Variants in MYH9 observed in about 807,000 individuals in gnomAD.
MYH9 encodes myosin-9.
MYH9 carries 29 observed loss-of-function variants against 241.9 expected under a neutral mutation model. The ratio of observed to expected loss-of-function variants is 0.12; its 90% confidence interval spans 0.09 to 0.16. The LOEUF (loss-of-function observed/expected upper bound fraction) is 0.16, where lower values mean the gene tolerates loss of function less well. Ranked by LOEUF, MYH9 falls within the 10% of genes least tolerant of loss-of-function variation. The pLI is 1.00. For missense variants in MYH9, 1,803 were observed against 2,595.5 expected, an observed-to-expected ratio of 0.69 and a Z score of 6.63; for synonymous variants, 1,047 against 1,062.6, an observed-to-expected ratio of 0.99 and a Z score of 0.29.
At chr22:36,304,466 A>G (rs924682645) in intron 18 of MYH9, among the ~76,000 whole-genome samples, 1 of 152,238 alleles carries the variant, frequency 6.6e-6, no homozygotes, top group Non-Finnish European at 1.5e-5. Context: ...CAAAGGTAGC[A>G]GCTGCTAACC....
intron 31 of MYH9, 94 bp downstream of exon 31, chr22:36,291,890 CCT>C (rs1263735836): frequency 3.1e-6 from 5 of 1,592,868 alleles, no homozygotes; most frequent in African/African-American, 2.7e-5. Flanking sequence ...CCGGCGAGAC[CCT>C]GAGGGAGCCC....
At chr22:36,316,766 CT>C in intron 11 of MYH9, 97 bp from the exon 12 acceptor site, 2 of 1,397,194 alleles carry the variant, frequency 1.4e-6, no homozygotes, top group Non-Finnish European at 2.0e-6. Flanking sequence ...AGTCCTCCCC[CT>C]AGAGGAACAG....
At position 36,314,323 on chromosome 22, in the gene MYH9, A is replaced by G. The variant is rs2017115501; in HGVS notation, c.1381-5T>C. The G allele has an allele frequency of 6.2e-7, 1 of 1,613,970 alleles. No homozygotes were observed. The highest frequency in any genetic ancestry group is 8.5e-7 in the Non-Finnish European group (1 of 1,180,036). On this transcript the variant is annotated splice_polypyrimidine_tract_variant and splice_region_variant and intron_variant, in intron 12 of 40. Transcript: ENST00000216181. The stretch of plus-strand genomic sequence containing the variant: ...CAGCTGCTCAAACGAGTTCAGCTGC[A>G]AGGAGAGAAAACAATGTCAGAGAGA...
intron 1 of MYH9, among the ~76,000 whole-genome samples, chr22:36,372,584 G>C (rs940634714): frequency 2.6e-5 from 4 of 152,098 alleles, no homozygotes; most frequent in African/African-American, 9.7e-5. Flanking sequence ...TTAATCATGG[G>C]AGGTATTAAG....
chr22:36,370,878 G>A (rs1000194047), intron 1 of MYH9, among the ~76,000 whole-genome samples: 15 of 152,214 alleles, frequency 9.9e-5, no homozygotes. Context: ...AAGAAGGGCA[G>A]GAGGGGCATT....
chr22:36,321,808 C>T lies in MYH9; in HGVS notation c.719G>A (p.Arg240His), dbSNP rs755933569. The change falls in exon 7 of 41, where the codon CGC (arginine) becomes CAC (histidine). Residue 240 changes from arginine (R) to histidine (H), a missense_variant. Coordinates refer to ENST00000216181, the MANE Select transcript of MYH9 (RefSeq NM_002473.6). ...GTAGCCATTGACATCAAAGTTGATGCGAATGAATTTGCCCTAAGTAAGAAA... is the reference window on the plus strand; with the variant it reads ...GTAGCCATTGACATCAAAGTTGATGTGAATGAATTTGCCCTAAGTAAGAAA... ...DNSSRFGKFI[R>H]INFDVNGYIV... The T allele has an allele frequency of 3.1e-6, 5 of 1,614,044 alleles. No individual in the cohort carries two copies. Among genetic ancestry groups the T allele is most frequent in the Non-Finnish European group, 4.2e-6 (5 of 1,179,928 alleles).
In MYH9 at chr22:36,330,175, G is replaced by A. The variant is rs1441124991; in HGVS notation, c.491-2687C>T. 1.3e-5 allele frequency among the ~76,000 whole-genome samples: 2 copies of A among 152,192 alleles called. No homozygotes were observed. The highest frequency in any genetic ancestry group is 2.9e-5 in the Non-Finnish European group (2 of 68,030). ...CTCCAGCCTTCCCCGTCCAATTCCTGAAGCCAATTTACCACTGTCAACACA... is the reference window on the plus strand; with the variant it reads ...CTCCAGCCTTCCCCGTCCAATTCCTAAAGCCAATTTACCACTGTCAACACA... On this transcript the variant is annotated intron_variant, in intron 3 of 40. Transcript: ENST00000216181. The surrounding 1 kb of genome is among the most constrained non-coding windows in gnomAD (Gnocchi z 4.5).
At chr22:36,366,509 G>A (rs183255873) in intron 1 of MYH9, among the ~76,000 whole-genome samples, 1 of 152,260 alleles carries the variant, frequency 6.6e-6, no homozygotes, top group East Asian at 1.9e-4. Flanking sequence ...GCAAAGTGAA[G>A]GGTCACGCGG....
intron 24 of MYH9, among the ~76,000 whole-genome samples, chr22:36,298,418 G>A (rs1046819836): frequency 2.6e-5 from 4 of 152,162 alleles, no homozygotes; most frequent in South Asian, 2.1e-4. Context: ...CGCAGTATTC[G>A]TCTAGGACTT....
In MYH9 at chr22:36,321,467, G is replaced by A. The variant is rs117821137; in HGVS notation, c.769+291C>T. 2.6e-5 allele frequency among the ~76,000 whole-genome samples: 4 copies of A among 152,308 alleles called. No homozygotes were observed. In the East Asian group the frequency reaches 5.8e-4, roughly 22 times the overall value. On this transcript the variant is annotated intron_variant, in intron 7 of 40. Coordinates refer to ENST00000216181, the MANE Select transcript of MYH9 (RefSeq NM_002473.6). ...ACAAGCAAAGGCTAAACGGTGGCAC[G>A]CAGGAGAGTGGCATCCCCCAAACGC...
In MYH9 at chr22:36,292,228, C is replaced by A. The variant is rs776174061; in HGVS notation, c.4102G>T (p.Asp1368Tyr). ...QIATLHAQVA[D>Y]MKKKMEDSVG... The stretch of plus-strand genomic sequence containing the variant: ...CTGTCCTCCATCTTCTTTTTCATGT[C>A]GGCCACCTGGGCAGGAGCAAGGAGT... Residue 1368 changes from aspartate (D) to tyrosine (Y), a missense_variant, in exon 31 of 41, where the codon GAC becomes TAC. This residue lies in a region of MYH9 where 876 missense variants were observed against 1,077.8 expected (regional missense o/e 0.81). Coordinates refer to ENST00000216181, the MANE Select transcript of MYH9 (RefSeq NM_002473.6). The A allele has an allele frequency of 6.2e-7, 1 of 1,613,884 alleles. No individual in the cohort carries two copies. The highest frequency in any genetic ancestry group is 1.1e-5 in the South Asian group (1 of 91,074).
At chr22:36,361,645 G>A (rs1026770775) in intron 1 of MYH9, among the ~76,000 whole-genome samples, 2 of 152,200 alleles carry the variant, frequency 1.3e-5, no homozygotes, top group African/African-American at 2.4e-5. Flanking sequence ...AGGGGTGGGG[G>A]CAATAGCTTG....
At chr22:36,319,750 C>G (rs2017220045) in intron 9 of MYH9, 115 bp from the exon 10 acceptor site, 1 of 1,053,512 alleles carries the variant, frequency 9.5e-7, no homozygotes, top group Non-Finnish European at 1.4e-6. Context: ...GGGACACCCC[C>G]CAACTCCCTG....
At position 36,293,262 on chromosome 22, in the gene MYH9, C is replaced by T; in HGVS notation, c.4095+67G>A. The T allele has an allele frequency of 6.2e-7, 1 of 1,602,930 alleles. No individual in the cohort carries two copies. Among genetic ancestry groups the T allele is most frequent in the East Asian group, 2.2e-5 (1 of 44,816 alleles). On this transcript the variant is annotated intron_variant, in intron 30 of 40. Transcript: ENST00000216181. The surrounding 1 kb of genome is among the most constrained non-coding windows in gnomAD (Gnocchi z 5.1). ...AGCGGGCAGGGCTGTCCTGCAGTGC[C>T]CAGGCCAGTGCCCGGCCAGCAGCTC...
Position 36,293,654 on chromosome 22 carries a change from T to G in MYH9, c.3942+105A>C. The G allele has an allele frequency of 7.5e-7, 1 of 1,333,802 alleles. No individual in the cohort carries two copies. Among genetic ancestry groups the G allele is most frequent in the Non-Finnish European group, 1.1e-6 (1 of 943,554 alleles). 82.6% of individuals were successfully genotyped at this position (1,333,802 alleles called of 1,614,324 possible). A position where few individuals can be genotyped will look rare whatever the true frequency, so the allele number is the denominator to read the frequency against. On this transcript the variant is annotated intron_variant, in intron 29 of 40. Transcript: ENST00000216181. The surrounding 1 kb of genome is among the most constrained non-coding windows in gnomAD (Gnocchi z 5.1). The stretch of plus-strand genomic sequence containing the variant: ...AGACCCACCCACAGGATGAAGCAGA[T>G]GAAGGAGAGGATGGGCAATCCGATG...
chr22:36,311,874 T>C (rs911238189), intron 14 of MYH9, among the ~76,000 whole-genome samples, 175 bp downstream of exon 14: 1 of 152,084 alleles, frequency 6.6e-6, no homozygotes, highest in African/African-American at 2.4e-5. Flanking sequence ...CTCTGTAAGC[T>C]GTGTAAATGA....
intron 2 of MYH9, among the ~76,000 whole-genome samples, chr22:36,342,214 AAT>A (rs2017601509): frequency 6.6e-6 from 1 of 152,206 alleles, no homozygotes; most frequent in Non-Finnish European, 1.5e-5. Flanking sequence ...AGGTACCTAA[AAT>A]ATACCCAATA....
intron 2 of MYH9, among the ~76,000 whole-genome samples, chr22:36,348,516 AAAAAAAATT>A (rs2017714476): frequency 6.6e-6 from 1 of 150,940 alleles, no homozygotes; most frequent in African/African-American, 2.5e-5. Flanking sequence ...CTCAAAAAAA[AAAAAAAATT>A]AAATTAAATT....
intron 13 of MYH9, 88 bp downstream of exon 13, chr22:36,314,057 A>C: frequency 6.7e-7 from 1 of 1,503,526 alleles, no homozygotes; most frequent in South Asian, 1.1e-5. Context: ...ACACCTCCAC[A>C]ACCAACACAG....
Sources: gnomAD v4.1 joint callset for allele counts (sites outside exome capture counted in the v4.1 genomes callset) on GRCh38, gnomAD v4.1.1 for gene constraint, gnomAD v4.1.1 regional missense constraint, Gnocchi (gnomAD v3.1) non-coding constraint, MANE v1.5 for transcripts, NCBI Gene and HGNC (gene_info 2026-07-23, HGNC 2026-07-21) for gene names.